SIRPA: variants seen among roughly 807,000 people sequenced by gnomAD.
SIRPA encodes the protein tyrosine-protein phosphatase non-receptor type substrate 1.
Under a neutral mutation model 50.3 loss-of-function variants are expected in SIRPA, and 9 were observed. That is an observed-to-expected ratio of 0.18 (90% CI 0.11 to 0.31). The LOEUF (loss-of-function observed/expected upper bound fraction) is 0.31, where lower values mean the gene tolerates loss of function less well. Ranked by LOEUF, SIRPA falls within the 10% of genes least tolerant of loss-of-function variation. The probability of loss-of-function intolerance (pLI) is 1.00; values close to 1 mark genes in which losing one functional copy is unlikely to be tolerated. For synonymous variants in SIRPA, 265 were observed against 284.1 expected (o/e 0.93, Z 0.68); for missense variants, 474 against 661.6 (o/e 0.72, Z 3.11).
chr20:1,926,273 C>T (rs1178438745), intron 5 of SIRPA, among the ~76,000 whole-genome samples: 1 of 152,234 alleles, frequency 6.6e-6, no homozygotes, highest in Non-Finnish European at 1.5e-5. Context: ...CCTGGAGAGC[C>T]CCACACAGGG....
chr20:1,906,566 T>C (rs1984562065), intron 1 of SIRPA, among the ~76,000 whole-genome samples: 1 of 152,088 alleles, frequency 6.6e-6, no homozygotes, highest in Non-Finnish European at 1.5e-5. Flanking sequence ...GCAAAGGTCA[T>C]GTGGTGAGTG....
In SIRPA at chr20:1,928,157, T is replaced by C. The variant is rs1986101787; in HGVS notation, c.1226+258T>C. Among the ~76,000 whole-genome samples the C allele has an allele frequency of 6.6e-6, 1 of 152,208 alleles. No individual in the cohort carries two copies. Among genetic ancestry groups the C allele is most frequent in the Non-Finnish European group, 1.5e-5 (1 of 68,044 alleles). On this transcript the variant is annotated intron_variant, in intron 6 of 7. Coordinates refer to ENST00000358771, the MANE Select transcript of SIRPA (RefSeq NM_001040023.2). The surrounding 1 kb of genome is among the most constrained non-coding windows in gnomAD (Gnocchi z 4.9). ...ACAACGAGACCCTTGTCTAATCCCA[T>C]GTGGACTGGGGCAGAGACCTCCCGG...
intron 6 of SIRPA, among the ~76,000 whole-genome samples, chr20:1,931,576 T>G (rs1480398761): frequency 6.6e-6 from 1 of 152,204 alleles, no homozygotes; most frequent in Non-Finnish European, 1.5e-5. Flanking sequence ...TAGTGAGTGC[T>G]AATGGTGGTT....
chr20:1,895,325 C>A, upstream of SIRPA: 2 of 456,534 alleles, frequency 4.4e-6, no homozygotes, highest in Non-Finnish European at 6.1e-6. Flanking sequence ...GTTCCGGAGT[C>A]GGGGGGAGGC....
At chr20:1,907,578 C>T (rs1336885150) in intron 1 of SIRPA, among the ~76,000 whole-genome samples, 1 of 152,218 alleles carries the variant, frequency 6.6e-6, no homozygotes. Flanking sequence ...AGCTCAGGGG[C>T]CACCAGCTCC....
intron 6 of SIRPA, among the ~76,000 whole-genome samples, chr20:1,930,959 T>G (rs1196603296): frequency 1.3e-5 from 2 of 152,248 alleles, no homozygotes; most frequent in African/African-American, 4.8e-5. Flanking sequence ...AATAGGACAT[T>G]GTCGATAATA....
In SIRPA at chr20:1,936,754, C is replaced by G. The variant is rs749692579; in HGVS notation, c.1267-566C>G. Among the ~76,000 whole-genome samples, 7 of 152,152 alleles carry G rather than the reference C, an allele frequency of 4.6e-5. No homozygotes were observed. Among genetic ancestry groups the G allele is most frequent in the Non-Finnish European group, 8.8e-5 (6 of 68,028 alleles). ...AAACGCATACATTAATGAATGTCCC[C>G]ACACGTACCACCATCAGCAGCACCT... is the stretch of plus-strand genomic sequence containing the variant. On this transcript the variant is annotated intron_variant, in intron 7 of 7. Transcript: ENST00000358771. This position sits in a 1 kb window ranked among gnomAD's most constrained non-coding sequence, Gnocchi z 4.2.
rs1984018167 is a variant in SIRPA at position 1,899,225 on chromosome 20, A to C, written c.79+3699A>C. On this transcript the variant is annotated intron_variant, in intron 1 of 7. Coordinates refer to ENST00000358771, the MANE Select transcript of SIRPA (RefSeq NM_001040023.2). ...TTCTTTAAAAAAAAAAAACAAAAAA[A>C]CACAAAGCTGCCGTGAGGCCTGGGC... Among the ~76,000 whole-genome samples, 4 of 151,656 alleles carry C rather than the reference A, an allele frequency of 2.6e-5. No individual in the cohort carries two copies. The South Asian group carries it at 8.3e-4, about 32-fold the overall frequency.
In SIRPA at chr20:1,933,236, T is replaced by A. The variant is rs1986388107; in HGVS notation, c.1227-1479T>A. ...CAGATAGACAGGAGATCTGAGATTG[T>A]CATGGAGGGGCAGCCCAGCCAGCGC... is the stretch of plus-strand genomic sequence containing the variant. On this transcript the variant is annotated intron_variant, in intron 6 of 7. Coordinates refer to ENST00000358771, the MANE Select transcript of SIRPA (RefSeq NM_001040023.2). This position sits in a 1 kb window ranked among gnomAD's most constrained non-coding sequence, Gnocchi z 4.4. Among the ~76,000 whole-genome samples, 3 of 152,240 alleles carry A rather than the reference T, an allele frequency of 2.0e-5. No individual in the cohort carries two copies. The South Asian group carries it at 6.2e-4, about 32-fold the overall frequency.
chr20:1,905,722 C>T (rs530157361), intron 1 of SIRPA, among the ~76,000 whole-genome samples: 9 of 152,362 alleles, frequency 5.9e-5, no homozygotes, highest in Admixed American at 3.9e-4. Flanking sequence ...CAGCCTCTGC[C>T]GGTCCCCCGA....
In SIRPA at chr20:1,932,172, C is replaced by T. The variant is rs144914588; in HGVS notation, c.1227-2543C>T. 2.0e-3 allele frequency among the ~76,000 whole-genome samples: 301 copies of T among 152,262 alleles called. No individual in the cohort carries two copies. In the Middle Eastern group the frequency reaches 0.024, roughly 12 times the overall value. ...AGTGAATGAGACTGGCCCAGTTCCTCCCTGTGTGAAGCTCAGTGTCCGCTG... is the reference window on the plus strand; with the variant it reads ...AGTGAATGAGACTGGCCCAGTTCCTTCCTGTGTGAAGCTCAGTGTCCGCTG... On this transcript the variant is annotated intron_variant, in intron 6 of 7. Coordinates refer to ENST00000358771, the MANE Select transcript of SIRPA (RefSeq NM_001040023.2). This position sits in a 1 kb window ranked among gnomAD's most constrained non-coding sequence, Gnocchi z 6.0.
chr20:1,927,970 AG>A lies in SIRPA; in HGVS notation c.1226+72del. On this transcript the variant is annotated intron_variant, in intron 6 of 7. Transcript: ENST00000358771. This position sits in a 1 kb window ranked among gnomAD's most constrained non-coding sequence, Gnocchi z 6.5. ...TATTTGACAGCCCCCCAGACTACAA[AG>A]CATAATCCATGTCCACTGACCTCAC... 2 of 1,320,250 alleles carry A rather than the reference AG, an allele frequency of 1.5e-6. No individual in the cohort carries two copies. 81.8% of individuals were successfully genotyped at this position (1,320,250 alleles called of 1,614,324 possible).
chr20:1,897,557 G>A (rs962830567), intron 1 of SIRPA, among the ~76,000 whole-genome samples: 1 of 152,230 alleles, frequency 6.6e-6, no homozygotes, highest in Non-Finnish European at 1.5e-5. Context: ...AGGATATGAG[G>A]GTAGGAAGGT....
At position 1,898,714 on chromosome 20, in the gene SIRPA, C is replaced by A. The variant is rs1983978358; in HGVS notation, c.79+3188C>A. ...AGCTGGAGAGGGAGTGAGAGAGGCC[C>A]CTTTCTGGCCTTGGGTGGAGGACTG... is the stretch of plus-strand genomic sequence containing the variant. On this transcript the variant is annotated intron_variant, in intron 1 of 7. Transcript: ENST00000358771. The surrounding 1 kb of genome is among the most constrained non-coding windows in gnomAD (Gnocchi z 4.3). Among the ~76,000 whole-genome samples, 1 of 151,830 alleles carries A rather than the reference C, an allele frequency of 6.6e-6. No homozygotes were observed. The highest frequency in any genetic ancestry group is 1.5e-5 in the Non-Finnish European group (1 of 67,964).
intron 2 of SIRPA, among the ~76,000 whole-genome samples, chr20:1,916,413 C>G (rs1165817103): frequency 6.6e-6 from 1 of 152,220 alleles, no homozygotes; most frequent in African/African-American, 2.4e-5. Flanking sequence ...GAGCCCACAT[C>G]TGATTCCAGG....
rs916282843 is a variant in SIRPA, at chr20:1,895,440, C to T, written c.-8C>T. On this transcript the variant is annotated 5_prime_UTR_variant, in exon 1 of 8. Coordinates refer to ENST00000358771, the MANE Select transcript of SIRPA (RefSeq NM_001040023.2). ...CCGCTCTCCCTCCTCGCTCCGCAGC[C>T]GCGGCCCATGGAGCCCGCCGGCCCG... 4 of 1,400,888 alleles carry T rather than the reference C, an allele frequency of 2.9e-6. No individual in the cohort carries two copies. Among genetic ancestry groups the T allele is most frequent in the African/African-American group, 1.5e-5 (1 of 65,958 alleles). 86.8% of individuals were successfully genotyped at this position (1,400,888 alleles called of 1,614,324 possible). A position where few individuals can be genotyped will look rare whatever the true frequency, so the allele number is the denominator to read the frequency against.
At chr20:1,919,483 C>G (rs1158197458) in intron 2 of SIRPA, among the ~76,000 whole-genome samples, 1 of 152,186 alleles carries the variant, frequency 6.6e-6, no homozygotes, top group Non-Finnish European at 1.5e-5. Context: ...AGTGGCCTGG[C>G]CAGACCCCCT....
At chr20:1,902,150 C>T (rs889886486) in intron 1 of SIRPA, among the ~76,000 whole-genome samples, 12 of 152,220 alleles carry the variant, frequency 7.9e-5, no homozygotes, top group East Asian at 1.9e-4. Flanking sequence ...CTATACCATG[C>T]TTGTCCCCTG....
Position 1,915,068 on chromosome 20 carries a change from G to GA in SIRPA, c.80-25dup, listed in dbSNP as rs763675930. 69 of 1,505,226 alleles carry GA rather than the reference G, an allele frequency of 4.6e-5. 1 individual carries two copies. In the African/African-American group the frequency reaches 8.5e-4, roughly 19 times the overall value. 93.2% of individuals were successfully genotyped at this position (1,505,226 alleles called of 1,614,324 possible). A position where few individuals can be genotyped will look rare whatever the true frequency, so the allele number is the denominator to read the frequency against. On this transcript the variant is annotated intron_variant, in intron 1 of 7. Transcript: ENST00000358771. ...GAAACACAGAGGATCACGTAAGGAT[G>GA]AAAAAATGACTGCTTTGTGCTCCTT... is the stretch of plus-strand genomic sequence containing the variant.
Sources: gnomAD v4.1 joint callset for allele counts (sites outside exome capture counted in the v4.1 genomes callset) on GRCh38, gnomAD v4.1.1 for gene constraint, Gnocchi (gnomAD v3.1) non-coding constraint, MANE v1.5 for transcripts, NCBI Gene and HGNC (gene_info 2026-07-23, HGNC 2026-07-21) for gene names.